Variants in CCDC60 observed in about 807,000 individuals in gnomAD.
The protein encoded by CCDC60 is coiled-coil domain-containing protein 60.
A neutral mutation model predicts 63.5 loss-of-function variants in CCDC60; 54 were observed. That is an observed-to-expected ratio of 0.85 (90% CI 0.68 to 1.07). The LOEUF (loss-of-function observed/expected upper bound fraction) is 1.07. CCDC60 is among the 50% of genes least tolerant of loss of function. The probability of loss-of-function intolerance (pLI) is 0.00; values close to 1 mark genes in which losing one functional copy is unlikely to be tolerated. For synonymous variants in CCDC60, 206 were observed against 238.8 expected (o/e 0.86, Z 1.27); for missense variants, 651 against 684.3 (o/e 0.95, Z 0.54).
chr12:119,398,174 G>A (rs968020078), intron 1 of CCDC60, among the ~76,000 whole-genome samples: 121 of 149,594 alleles, frequency 8.1e-4, no homozygotes, highest in African/African-American at 2.9e-3. Context: ...CTGCAGGTCC[G>A]AGCCCTGCCC....
chr12:119,511,244 C>T lies in CCDC60; in HGVS notation c.884-5379C>T, dbSNP rs142226064. Among the ~76,000 whole-genome samples, 952 of 152,330 alleles carry T rather than the reference C, an allele frequency of 6.2e-3. 9 individuals carry two copies. Among genetic ancestry groups the T allele is most frequent in the Non-Finnish European group, 0.01 (709 of 68,030 alleles). On this transcript the variant is annotated intron_variant, in intron 7 of 13. Transcript: ENST00000327554. ...CCTCTCTTGCCTTCTAAAACCTCCTCAAATTGATTCTGAATTCAGGAGTCC... is the reference window on the plus strand; with the variant it reads ...CCTCTCTTGCCTTCTAAAACCTCCTTAAATTGATTCTGAATTCAGGAGTCC...
chr12:119,488,165 C>T (rs1479078316), intron 4 of CCDC60, among the ~76,000 whole-genome samples: 2 of 152,168 alleles, frequency 1.3e-5, no homozygotes, highest in African/African-American at 4.8e-5. Flanking sequence ...AAGTAATATG[C>T]TCTTTGTGTT....
At chr12:119,416,359 A>G (rs1469530646) in intron 1 of CCDC60, among the ~76,000 whole-genome samples, 1 of 152,172 alleles carries the variant, frequency 6.6e-6, no homozygotes, top group Non-Finnish European at 1.5e-5. Context: ...AGCCTGGGAA[A>G]CAAGAGCAAG....
At chr12:119,421,056 C>T (rs1018946380) in intron 1 of CCDC60, among the ~76,000 whole-genome samples, 16 of 152,064 alleles carry the variant, frequency 1.1e-4, no homozygotes, top group African/African-American at 2.7e-4. Flanking sequence ...GCTCACCCCT[C>T]GACGGAGCAT....
At chr12:119,399,858 T>A (rs1956357010) in intron 1 of CCDC60, among the ~76,000 whole-genome samples, 1 of 152,112 alleles carries the variant, frequency 6.6e-6, no homozygotes. Flanking sequence ...AGCAGCATAG[T>A]CCACACTAAA....
intron 13 of CCDC60, among the ~76,000 whole-genome samples, chr12:119,539,557 C>T (rs778443843): frequency 1.2e-4 from 18 of 152,212 alleles, no homozygotes; most frequent in Non-Finnish European, 2.2e-4. Flanking sequence ...CAACCCACGT[C>T]GACTTCAGAC....
chr12:119,394,954 T>C (rs1403513989), intron 1 of CCDC60, among the ~76,000 whole-genome samples: 1 of 152,172 alleles, frequency 6.6e-6, no homozygotes, highest in African/African-American at 2.4e-5. Context: ...GGAGGGAGAA[T>C]TGAAGAAGGG....
intron 1 of CCDC60, among the ~76,000 whole-genome samples, chr12:119,411,493 C>T (rs760929161): frequency 7.9e-5 from 12 of 152,088 alleles, no homozygotes; most frequent in Non-Finnish European, 1.3e-4. Context: ...GGCAACAGAG[C>T]GAGACTCCAT....
chr12:119,412,765 C>T (rs1279223382), intron 1 of CCDC60, among the ~76,000 whole-genome samples: 1 of 56,598 alleles, frequency 1.8e-5, no homozygotes, highest in Non-Finnish European at 4.3e-5. Flanking sequence ...AGCCCCCCAC[C>T]CCCCCCCACC....
intron 11 of CCDC60, among the ~76,000 whole-genome samples, chr12:119,525,821 A>C (rs1401300842): frequency 6.6e-6 from 1 of 152,214 alleles, no homozygotes; most frequent in African/African-American, 2.4e-5. Context: ...CAATATCACT[A>C]AAATGGCTAT....
At chr12:119,336,312 A>T (rs1279242301) in intron 1 of CCDC60, among the ~76,000 whole-genome samples, 1 of 152,200 alleles carries the variant, frequency 6.6e-6, no homozygotes, top group Non-Finnish European at 1.5e-5. Context: ...TCATGGTGTG[A>T]TTAAATTGTC....
chr12:119,354,518 G>A (rs924647420), intron 1 of CCDC60, among the ~76,000 whole-genome samples: 7 of 152,184 alleles, frequency 4.6e-5, no homozygotes, highest in Admixed American at 3.9e-4. Flanking sequence ...TTTCAGTTAA[G>A]GGTCTGTCAG....
chr12:119,396,388 C>G (rs1048345771), intron 1 of CCDC60, among the ~76,000 whole-genome samples: 2 of 152,140 alleles, frequency 1.3e-5, no homozygotes, highest in African/African-American at 4.8e-5. Context: ...ATTCAACCCA[C>G]TCCAGATTGT....
Position 119,492,759 on chromosome 12 carries a change from G to A in CCDC60, c.557+3893G>A, listed in dbSNP as rs530442409. On this transcript the variant is annotated intron_variant, in intron 5 of 13. Coordinates refer to ENST00000327554, the MANE Select transcript of CCDC60 (RefSeq NM_178499.5). The stretch of plus-strand genomic sequence containing the variant: ...TTCTTCATTGGTTAAATGTGTTCCT[G>A]CCTCAGAAGTTATTGTAAGAATTAA... 2.0e-5 allele frequency among the ~76,000 whole-genome samples: 3 copies of A among 152,256 alleles called. No homozygotes were observed. The East Asian group carries it at 5.8e-4, about 29-fold the overall frequency.
At chr12:119,448,060 A>G (rs760144259) in intron 2 of CCDC60, 1 of 152,050 alleles carries the variant, frequency 6.6e-6, no homozygotes, top group Admixed American at 6.5e-5. Context: ...ACACATTTTC[A>G]CTTATGCAAG....
At chr12:119,492,331 A>G (rs182064210) in intron 5 of CCDC60, among the ~76,000 whole-genome samples, 5 of 152,208 alleles carry the variant, frequency 3.3e-5, no homozygotes, top group African/African-American at 1.2e-4. Flanking sequence ...AATCTTACCA[A>G]CATGGTATCA....
At chr12:119,523,608 G>A in intron 10 of CCDC60, 85 bp from the exon 11 acceptor site, 1 of 1,581,258 alleles carries the variant, frequency 6.3e-7, no homozygotes, top group Non-Finnish European at 8.6e-7. Context: ...GCACCTTGGG[G>A]CTAAGGGGGG....
intron 1 of CCDC60, among the ~76,000 whole-genome samples, chr12:119,346,825 TTTCTTTC>T (rs773819284): frequency 0.022 from 2,938 of 131,640 alleles, 53 homozygotes; most frequent in Non-Finnish European, 0.034. Context: ...TCTTTCTTTC[TTTCTTTC>T]TTTTTTTTTT....
At chr12:119,400,636 C>G (rs1020559113) in intron 1 of CCDC60, among the ~76,000 whole-genome samples, 8 of 152,204 alleles carry the variant, frequency 5.3e-5, no homozygotes, top group African/African-American at 1.9e-4. Context: ...CATAGGAATG[C>G]CTGAAAGTGG....
Sources: gnomAD v4.1 joint callset for allele counts (sites outside exome capture counted in the v4.1 genomes callset) on GRCh38, gnomAD v4.1.1 for gene constraint, MANE v1.5 for transcripts, NCBI Gene and HGNC (gene_info 2026-07-23, HGNC 2026-07-21) for gene names.